RIMS2: variants seen among roughly 807,000 people sequenced by gnomAD.
The protein encoded by RIMS2 is regulating synaptic membrane exocytosis 2.
In RIMS2, 59 loss-of-function variants were observed where a neutral mutation model predicts 174.4. That is an observed-to-expected ratio of 0.34 (90% CI 0.27 to 0.42). The LOEUF (loss-of-function observed/expected upper bound fraction) is 0.42. RIMS2 is among the 10% of genes least tolerant of loss of function. RIMS2 has a pLI of 1.00. For missense variants in RIMS2, 1,620 were observed against 1,666.3 expected, an observed-to-expected ratio of 0.97 and a Z score of 0.48; for synonymous variants, 606 against 572.5, an observed-to-expected ratio of 1.06 and a Z score of -0.84.
chr8:103,556,498 G>T (rs1454290419), intron 1 of RIMS2, among the ~76,000 whole-genome samples: 1 of 152,122 alleles, frequency 6.6e-6, no homozygotes, highest in Non-Finnish European at 1.5e-5. Context: ...TACAGATGCA[G>T]TAACTGAAAT....
intron 1 of RIMS2, among the ~76,000 whole-genome samples, chr8:103,580,163 A>C (rs1490393713): frequency 6.6e-6 from 1 of 152,066 alleles, no homozygotes; most frequent in Non-Finnish European, 1.5e-5. Context: ...ACAAGCAACA[A>C]TTGGCAGTAG....
intron 17 of RIMS2, 21 bp downstream of exon 19, chr8:103,989,442 T>A: frequency 8.4e-7 from 1 of 1,185,634 alleles, no homozygotes; most frequent in Non-Finnish European, 1.3e-6. Context: ...TTAAATACTA[T>A]TAGACCTTAT....
chr8:103,685,327 G>A (rs949895188), intron 1 of RIMS2, among the ~76,000 whole-genome samples: 2 of 151,968 alleles, frequency 1.3e-5, no homozygotes, highest in African/African-American at 4.8e-5. Context: ...GGCAAGAGAG[G>A]GAGCAAGGGC....
chr8:104,223,329 G>GCGAGACTCCAGCAGCT (rs2099164933), intron 19 of RIMS2: 4 of 1,072,042 alleles, frequency 3.7e-6, no homozygotes, highest in Non-Finnish European at 4.5e-6. Context: ...GGGGAGGGCA[G>GCGAGACTCCAGCAGCT]CGAGACTCCA....
At chr8:103,851,817 A>G (rs1030657577) in intron 3 of RIMS2, among the ~76,000 whole-genome samples, 1 of 152,008 alleles carries the variant, frequency 6.6e-6, no homozygotes, top group Non-Finnish European at 1.5e-5. Flanking sequence ...CATTTGCTGC[A>G]TTATTTTTGA....
chr8:104,001,784 A>G (rs1596812564), intron 17 of RIMS2, among the ~76,000 whole-genome samples: 1 of 151,834 alleles, frequency 6.6e-6, no homozygotes, highest in African/African-American at 2.4e-5. Context: ...ATTCTCCTGT[A>G]TTTATTTCTG....
chr8:104,099,329 C>T (rs1378695002), intron 19 of RIMS2, among the ~76,000 whole-genome samples: 1 of 152,168 alleles, frequency 6.6e-6, no homozygotes, highest in African/African-American at 2.4e-5. Context: ...GGGCTGTGCT[C>T]CTCCACCAAG....
chr8:103,677,623 T>C (rs1015366672), intron 1 of RIMS2, among the ~76,000 whole-genome samples: 3 of 152,174 alleles, frequency 2.0e-5, no homozygotes, highest in African/African-American at 7.2e-5. Context: ...TACCCAATGC[T>C]CCTGGGGCTC....
chr8:104,029,232 T>C (rs1000527133), intron 19 of RIMS2, among the ~76,000 whole-genome samples: 7 of 152,184 alleles, frequency 4.6e-5, no homozygotes, highest in African/African-American at 1.7e-4. Flanking sequence ...CTGGCTTCTT[T>C]ACTGCATGCT....
At chr8:103,939,078 T>C (rs1173500952) in intron 13 of RIMS2, among the ~76,000 whole-genome samples, 1 of 152,178 alleles carries the variant, frequency 6.6e-6, no homozygotes, top group African/African-American at 2.4e-5. Context: ...TTCTGGGGTC[T>C]GGAGGTTGGT....
Position 104,216,786 on chromosome 8 carries a change from G to T in RIMS2, c.3335-28130G>T, listed in dbSNP as rs150082858. Among the ~76,000 whole-genome samples the T allele has an allele frequency of 4.5e-3, 689 of 152,286 alleles. 7 individuals are homozygous for T. The highest frequency in any genetic ancestry group is 0.016 in the African/African-American group (657 of 41,550). ...CGTGAGCTTCATGAAGGTAGAGGAG[G>T]ATTCTATCTGTATTTGTTCACTGCT... On this transcript the variant is annotated intron_variant, in intron 19 of 23. Coordinates refer to ENST00000504942, the Ensembl canonical transcript of RIMS2.
At chr8:104,111,847 C>T (rs1281217209) in intron 19 of RIMS2, among the ~76,000 whole-genome samples, 3 of 152,140 alleles carry the variant, frequency 2.0e-5, no homozygotes, top group Admixed American at 2.0e-4. Flanking sequence ...ATATGTGTGT[C>T]TATGTATACA....
chr8:103,645,090 T>C (rs1373665629), intron 1 of RIMS2, among the ~76,000 whole-genome samples: 5 of 152,094 alleles, frequency 3.3e-5, no homozygotes, highest in African/African-American at 9.7e-5. Context: ...TTTTTATCTA[T>C]TTGTGAATGT....
chr8:104,131,617 G>A (rs560582621), intron 19 of RIMS2, among the ~76,000 whole-genome samples: 1 of 152,260 alleles, frequency 6.6e-6, no homozygotes, highest in East Asian at 1.9e-4. Context: ...GTGGTTGGAA[G>A]CAATCATGCA....
intron 19 of RIMS2, among the ~76,000 whole-genome samples, chr8:104,092,210 T>A (rs1191226458): frequency 6.6e-6 from 1 of 151,850 alleles, no homozygotes; most frequent in Non-Finnish European, 1.5e-5. Flanking sequence ...AATGTTTATA[T>A]CTATCTAATA....
In RIMS2 at chr8:103,732,841, A is replaced by G. The variant is rs534974808; in HGVS notation, c.388-33386A>G. Among the ~76,000 whole-genome samples, 5 of 152,232 alleles carry G rather than the reference A, an allele frequency of 3.3e-5. No homozygotes were observed. The South Asian group carries it at 8.3e-4, about 25-fold the overall frequency. Reference sequence around the variant, plus strand: ...CTGAGTCTCTTCCTTCAGGGTAGTCAGTTCCCTTTTGACTCAGGGGAGGTC... The same window carrying G: ...CTGAGTCTCTTCCTTCAGGGTAGTCGGTTCCCTTTTGACTCAGGGGAGGTC... On this transcript the variant is annotated intron_variant, in intron 2 of 23. Coordinates refer to ENST00000504942, the Ensembl canonical transcript of RIMS2.
chr8:103,596,021 C>G (rs2094466578), intron 1 of RIMS2, among the ~76,000 whole-genome samples: 1 of 151,838 alleles, frequency 6.6e-6, no homozygotes, highest in Admixed American at 6.6e-5. Context: ...GGCATTTATA[C>G]CTTTTACACT....
intron 19 of RIMS2, among the ~76,000 whole-genome samples, chr8:104,178,067 G>A (rs2135787401): frequency 6.6e-6 from 1 of 152,218 alleles, no homozygotes; most frequent in Non-Finnish European, 1.5e-5. Context: ...AAATGTAGAG[G>A]CTCAAAACAA....
At chr8:104,183,574 A>G (rs1413367079) in intron 19 of RIMS2, among the ~76,000 whole-genome samples, 1 of 151,608 alleles carries the variant, frequency 6.6e-6, no homozygotes, top group Admixed American at 6.6e-5. Context: ...GGGGAAAATG[A>G]GCATTATTTT....
Sources: allele counts gnomAD v4.1 joint callset (sites outside exome capture counted in the v4.1 genomes callset), GRCh38; gene constraint gnomAD v4.1.1; transcripts MANE v1.5; gene names NCBI Gene and HGNC (gene_info 2026-07-23, HGNC 2026-07-21).